PPEF1: variants seen among roughly 807,000 people sequenced by gnomAD.
PPEF1 encodes the protein serine/threonine-protein phosphatase with EF-hands 1.
A neutral mutation model predicts 53.3 loss-of-function variants in PPEF1; 12 were observed. The observed-to-expected ratio is 0.23, with a 90% CI of 0.14 to 0.36. The LOEUF is 0.36. Ranked by LOEUF, PPEF1 falls within the 10% of genes least tolerant of loss-of-function variation. The pLI, the probability that PPEF1 is intolerant of heterozygous loss-of-function variation, is 1.00. For synonymous variants in PPEF1, 165 were observed against 176.7 expected, an observed-to-expected ratio of 0.93 and a Z score of 0.52; for missense variants, 334 against 490.4, an observed-to-expected ratio of 0.68 and a Z score of 3.01.
intron 6 of PPEF1, among the ~76,000 whole-genome samples, chrX:18,778,759 G>A (rs1569262735): frequency 9.0e-6 from 1 of 110,872 alleles, no homozygotes; most frequent in Non-Finnish European, 1.9e-5. Flanking sequence ...TAGGTGGTGG[G>A]TAGAATTAGC....
rs774382707 is a variant in PPEF1, at chrX:18,798,337, T to C, written c.1066-5555T>C. Among the ~76,000 whole-genome samples the C allele has an allele frequency of 3.6e-5, 4 of 111,802 alleles. No individual in the cohort carries two copies. The South Asian group carries it at 1.5e-3, about 42-fold the overall frequency. ...CATGAGCCACGGCGCCTGGCCAAAATTGCAATTTTAAATAACGTAGTCAGC... is the reference window on the plus strand; with the variant it reads ...CATGAGCCACGGCGCCTGGCCAAAACTGCAATTTTAAATAACGTAGTCAGC... On this transcript the variant is annotated intron_variant, in intron 10 of 15. Coordinates refer to ENST00000470157, the MANE Select transcript of PPEF1 (RefSeq NM_001377996.1).
intron 12 of PPEF1, among the ~76,000 whole-genome samples, chrX:18,807,912 G>A (rs1040029536): frequency 9.2e-6 from 1 of 108,573 alleles, no homozygotes; most frequent in African/African-American, 3.4e-5. Context: ...TGCCCGCCTC[G>A]GCCTCCCAAA....
At chrX:18,817,104 G>GTGTGTA in intron 12 of PPEF1, among the ~76,000 whole-genome samples, 1 of 106,624 alleles carries the variant, frequency 9.4e-6, no homozygotes, top group African/African-American at 3.4e-5. Context: ...GTGTGTGTGT[G>GTGTGTA]TACATGCACA....
At chrX:18,734,582 T>G (rs2044923556) in intron 3 of PPEF1, among the ~76,000 whole-genome samples, 1 of 111,255 alleles carries the variant, frequency 9.0e-6, no homozygotes, top group Non-Finnish European at 1.9e-5. Context: ...AGTGCCGCAA[T>G]AAACATACGT....
At chrX:18,717,067 CTTTT>C (rs113154046) in intron 1 of PPEF1, among the ~76,000 whole-genome samples, 3 of 89,071 alleles carry the variant, frequency 3.4e-5, no homozygotes, top group Non-Finnish European at 6.7e-5. Context: ...TTCCTTTTTC[CTTTT>C]TTTTTTTTTT....
intron 1 of PPEF1, among the ~76,000 whole-genome samples, chrX:18,724,145 G>C (rs923163385): frequency 1.8e-5 from 2 of 111,346 alleles, no homozygotes; most frequent in Admixed American, 1.9e-4. Flanking sequence ...ATGAGGATGA[G>C]CCCAGGTTCT....
chrX:18,810,425 A>G (rs1338779738), intron 12 of PPEF1, among the ~76,000 whole-genome samples: 1 of 110,802 alleles, frequency 9.0e-6, no homozygotes, highest in Non-Finnish European at 1.9e-5. Flanking sequence ...TTACAATTCA[A>G]TGACAGTACG....
chrX:18,777,414 G>A (rs573099851), intron 6 of PPEF1, among the ~76,000 whole-genome samples: 15 of 112,627 alleles, frequency 1.3e-4, no homozygotes, highest in Middle Eastern at 9.3e-3. Flanking sequence ...TAACAAAAGA[G>A]GAATTTGAAA....
intron 5 of PPEF1, among the ~76,000 whole-genome samples, chrX:18,760,983 G>A (rs2045652696): frequency 9.1e-6 from 1 of 109,979 alleles, no homozygotes; most frequent in Non-Finnish European, 1.9e-5. Context: ...GTTTCGCCGT[G>A]TTGACCAGGC....
chrX:18,735,981 A>G (rs1484632475), intron 3 of PPEF1, among the ~76,000 whole-genome samples: 1 of 112,081 alleles, frequency 8.9e-6, no homozygotes, highest in Non-Finnish European at 1.9e-5. Flanking sequence ...TTGATTTTGT[A>G]TCCTGAGATT....
intron 5 of PPEF1, among the ~76,000 whole-genome samples, chrX:18,698,222 G>A (rs189408465): frequency 8.9e-6 from 1 of 112,178 alleles, no homozygotes; most frequent in East Asian, 2.8e-4. Context: ...TTTAACAGTT[G>A]GAGGCTGACC....
At chrX:18,766,731 C>CA (rs1363755549) in intron 6 of PPEF1, among the ~76,000 whole-genome samples, 1 of 112,219 alleles carries the variant, frequency 8.9e-6, no homozygotes, top group Non-Finnish European at 1.9e-5. Flanking sequence ...ATGGAAAAGT[C>CA]AGACATAATG....
At chrX:18,732,677 C>G (rs748980988) in intron 2 of PPEF1, among the ~76,000 whole-genome samples, 1 of 111,411 alleles carries the variant, frequency 9.0e-6, no homozygotes, top group South Asian at 3.8e-4. Context: ...TTCCCAACTC[C>G]CAGATCTACT....
intron 1 of PPEF1, 74 bp from the exon 2 acceptor site, chrX:18,730,103 TCCAC>T: frequency 9.7e-7 from 1 of 1,029,718 alleles, no homozygotes; most frequent in Admixed American, 3.4e-5. Context: ...GCTTTTTTTT[TCCAC>T]TGAAGCACCT....
intron 1 of PPEF1, among the ~76,000 whole-genome samples, chrX:18,727,837 T>C (rs914977267): frequency 2.7e-5 from 3 of 111,508 alleles, no homozygotes; most frequent in Non-Finnish European, 5.6e-5. Flanking sequence ...TGGTTTGTTA[T>C]AAAGGGTATT....
rs183512520 is a variant in PPEF1, at chrX:18,784,708, C to G, written c.912+660C>G. Reference sequence around the variant, plus strand: ...TTCCCACATAATACACATCAAATAACTTAGGATACTTTTTTTGGAAATATT... The same window carrying G: ...TTCCCACATAATACACATCAAATAAGTTAGGATACTTTTTTTGGAAATATT... On this transcript the variant is annotated intron_variant, in intron 9 of 15. Transcript: ENST00000470157. Among the ~76,000 whole-genome samples the G allele has an allele frequency of 2.5e-4, 28 of 110,965 alleles. No homozygotes were observed. In the Admixed American group the frequency reaches 2.7e-3, roughly 11 times the overall value.
intron 4 of PPEF1, among the ~76,000 whole-genome samples, chrX:18,753,795 T>C (rs1322659249): frequency 2.7e-5 from 3 of 111,966 alleles, no homozygotes; most frequent in Non-Finnish European, 3.8e-5. Context: ...TTTCATTCCA[T>C]TGTGGTCAAA....
chrX:18,682,452 T>G (rs1228009910), upstream of PPEF1, among the ~76,000 whole-genome samples: 2 of 111,674 alleles, frequency 1.8e-5, no homozygotes, highest in Non-Finnish European at 3.8e-5. Context: ...GGGAGGAGGT[T>G]CAGAAGTTAG....
At chrX:18,762,888 G>T (rs1569258816) in intron 6 of PPEF1, among the ~76,000 whole-genome samples, 1 of 111,497 alleles carries the variant, frequency 9.0e-6, no homozygotes, top group Non-Finnish European at 1.9e-5. Context: ...ATTGTTCCTG[G>T]ACCAAACTGA....
Sources: allele counts gnomAD v4.1 joint callset (sites outside exome capture counted in the v4.1 genomes callset), GRCh38; gene constraint gnomAD v4.1.1; transcripts MANE v1.5; gene names NCBI Gene and HGNC (gene_info 2026-07-23, HGNC 2026-07-21).